Variants in ALAD observed in about 807,000 individuals in gnomAD.
ALAD encodes the protein delta-aminolevulinic acid dehydratase.
ALAD carries 20 observed loss-of-function variants against 44.4 expected under a neutral mutation model. That is an observed-to-expected ratio of 0.45 (90% CI 0.32 to 0.65). ALAD has a LOEUF of 0.65. Ranked by LOEUF, ALAD falls within the 30% of genes least tolerant of loss-of-function variation. The probability of loss-of-function intolerance (pLI) is 0.05; values close to 1 mark genes in which losing one functional copy is unlikely to be tolerated. For missense variants in ALAD, 323 were observed against 445.7 expected (o/e 0.72, Z 2.48); for synonymous variants, 156 against 167.9 (o/e 0.93, Z 0.55).
intron 1 of ALAD, among the ~76,000 whole-genome samples, chr9:113,397,628 T>C (rs1827766202): frequency 7.0e-6 from 1 of 142,826 alleles, no homozygotes; most frequent in Admixed American, 6.9e-5. Flanking sequence ...TTCTTTTTTT[T>C]TTTTTTTTTT....
At chr9:113,391,299 C>G (rs1328644506) in intron 4 of ALAD, among the ~76,000 whole-genome samples, 1 of 152,102 alleles carries the variant, frequency 6.6e-6, no homozygotes, top group Non-Finnish European at 1.5e-5. Context: ...ACTTTCTGGG[C>G]TCAAGCAATC....
chr9:113,398,843 T>C (rs62577764), intron 1 of ALAD, among the ~76,000 whole-genome samples: 2 of 152,120 alleles, frequency 1.3e-5, no homozygotes, highest in East Asian at 3.9e-4. Flanking sequence ...ATTCTGTGAG[T>C]GGGAAAACAC....
rs1422449758 is a variant in ALAD, at chr9:113,389,682, C to T, written c.631G>A (p.Ala211Thr). ...CCAAAAGCTGGGCTTGACTTAGCTGCATCCCTGCAAAGCAGAGTCATCAGG... is the reference window on the plus strand; with the variant it reads ...CCAAAAGCTGGGCTTGACTTAGCTGTATCCCTGCAAAGCAGAGTCATCAGG... ...ASCFYGPFRD[A>T]AKSSPAFGDR... The change falls in exon 9 of 12, where the codon GCA (alanine) becomes ACA (threonine). Residue 211 changes from alanine (A) to threonine (T), a missense_variant. By Grantham distance (58) the Ala-to-Thr change is moderately conservative. Coordinates refer to ENST00000409155, the MANE Select transcript of ALAD (RefSeq NM_000031.6). 5.0e-6 allele frequency: 8 copies of T among 1,614,056 alleles called. No homozygotes were observed. Among genetic ancestry groups the T allele is most frequent in the Non-Finnish European group, 6.8e-6 (8 of 1,180,038 alleles).
intron 1 of ALAD, among the ~76,000 whole-genome samples, chr9:113,394,465 G>C (rs149863069): frequency 0.037 from 5,552 of 151,776 alleles, 119 homozygotes; most frequent in Non-Finnish European, 0.044. Flanking sequence ...TTGAGCCCAG[G>C]AGTTCAAGGT....
intron 1 of ALAD, among the ~76,000 whole-genome samples, chr9:113,399,714 C>T (rs932802176): frequency 1.3e-5 from 2 of 152,170 alleles, no homozygotes; most frequent in Non-Finnish European, 2.9e-5. Flanking sequence ...CTATGAGCTT[C>T]ATGTGCCACC....
chr9:113,391,972 G>A (rs1373082674), intron 3 of ALAD, 147 bp downstream of exon 3: 2 of 848,254 alleles, frequency 2.4e-6, no homozygotes, highest in East Asian at 2.7e-5. Flanking sequence ...GAACAGCTCT[G>A]GCCCCGGGGA....
Position 113,389,540 on chromosome 9 carries a change from A to G in ALAD, c.715-16T>C, listed in dbSNP as rs370886271. The stretch of plus-strand genomic sequence containing the variant: ...CATCCCGGTCCTAAGGGATGAGGGT[A>G]TAATGTGGGTGGTGCCTAGGAGGGG... On this transcript the variant is annotated splice_polypyrimidine_tract_variant and intron_variant, in intron 9 of 11. Transcript: ENST00000409155. 38 of 1,614,014 alleles carry G rather than the reference A, an allele frequency of 2.4e-5. No individual in the cohort carries two copies. The highest frequency in any genetic ancestry group is 3.1e-5 in the Non-Finnish European group (36 of 1,180,020).
chr9:113,393,402 C>CCCAAA, intron 2 of ALAD, 45 bp downstream of exon 2: 3 of 1,498,892 alleles, frequency 2.0e-6, no homozygotes, highest in Non-Finnish European at 2.8e-6. Flanking sequence ...CCAACCCCAA[C>CCCAAA]CCCAACCAGC....
chr9:113,388,618 T>A (rs940470002), intron 11 of ALAD, among the ~76,000 whole-genome samples: 1 of 152,228 alleles, frequency 6.6e-6, no homozygotes, highest in Non-Finnish European at 1.5e-5. Flanking sequence ...CTTCCCATGC[T>A]GGTGTGCAAT....
chr9:113,394,027 C>T (rs1357682448), intron 1 of ALAD, among the ~76,000 whole-genome samples: 1 of 151,314 alleles, frequency 6.6e-6, no homozygotes. Flanking sequence ...CAGCCTTGAC[C>T]TCCCGGGCTC....
Position 113,390,930 on chromosome 9 carries a change from C to T in ALAD, c.265G>A (p.Glu89Lys), listed in dbSNP as rs746344460. ...FGVPSRVPKD[E>K]RGSAADSEES... is the part of the protein sequence containing the mutation. ...TCGGAGTCAGCTGCGGAACCCCGCT[C>T]GTCCTAGGGGCAGGGGAGGGACAAA... Residue 89 changes from glutamate (E) to lysine (K), a missense_variant, in exon 5 of 12, where the codon GAG (glutamate) becomes AAG (lysine). Coordinates refer to ENST00000409155, the MANE Select transcript of ALAD (RefSeq NM_000031.6). 4 of 1,614,030 alleles carry T rather than the reference C, an allele frequency of 2.5e-6. No homozygotes were observed. Among genetic ancestry groups the T allele is most frequent in the Non-Finnish European group, 3.4e-6 (4 of 1,180,012 alleles).
At chr9:113,394,761 A>T (rs1034631850) in intron 1 of ALAD, among the ~76,000 whole-genome samples, 3 of 151,894 alleles carry the variant, frequency 2.0e-5, no homozygotes, top group African/African-American at 4.8e-5. Flanking sequence ...TCTAGAGAAA[A>T]GTACTGTTGG....
intron 1 of ALAD, among the ~76,000 whole-genome samples, chr9:113,400,580 T>G (rs1827827406): frequency 1.3e-5 from 2 of 152,152 alleles, no homozygotes; most frequent in African/African-American, 4.8e-5. Context: ...CCCAGCACTT[T>G]GGGAGGCCGA....
At chr9:113,392,394 A>T in intron 2 of ALAD, 1 of 1,320,140 alleles carries the variant, frequency 7.6e-7, no homozygotes, top group Non-Finnish European at 1.0e-6. Context: ...CTGTACTAAA[A>T]GAACGGTAAT....
intron 11 of ALAD, 147 bp from the exon 12 acceptor site, chr9:113,388,508 T>G: frequency 1.3e-6 from 1 of 742,746 alleles, no homozygotes; most frequent in Non-Finnish European, 2.4e-6. Flanking sequence ...AGCCCAGCTT[T>G]GGGAAACTCT....
At chr9:113,392,853 C>T (rs2856988) in intron 2 of ALAD, among the ~76,000 whole-genome samples, 113,727 of 143,704 alleles carry the variant, frequency 0.79, 45,337 homozygotes, top group African/African-American at 0.87. Flanking sequence ...AGTCTGGCTC[C>T]GTCGCCCAGG....
intron 7 of ALAD, among the ~76,000 whole-genome samples, 182 bp downstream of exon 7, chr9:113,390,223 T>C (rs1395402235): frequency 1.3e-5 from 2 of 152,164 alleles, no homozygotes; most frequent in African/African-American, 4.8e-5. Flanking sequence ...GGTTTCACCA[T>C]GTTGGCCAGG....
At position 113,386,578 on chromosome 9, in the gene ALAD, A is replaced by G. The variant is rs912036386; in HGVS notation, c.*1722T>C. On this transcript the variant is annotated 3_prime_UTR_variant, in exon 12 of 12. Coordinates refer to ENST00000409155, the MANE Select transcript of ALAD (RefSeq NM_000031.6). ...CCATCACATAAATGGAGGGGTGTCT[A>G]TAAAACATTGTTAGACCTATAATTT... 2.0e-5 allele frequency: 3 copies of G among 152,202 alleles called. No individual in the cohort carries two copies. Among genetic ancestry groups the G allele is most frequent in the Non-Finnish European group, 4.4e-5 (3 of 68,034 alleles). 9.4% of individuals were successfully genotyped at this position (152,202 alleles called of 1,614,324 possible).
chr9:113,399,325 T>C (rs932833293), intron 1 of ALAD, among the ~76,000 whole-genome samples: 11 of 152,286 alleles, frequency 7.2e-5, no homozygotes, highest in African/African-American at 2.4e-4. Flanking sequence ...TTATTACTAT[T>C]AGGAGTGGGG....
Sources: gnomAD v4.1 joint callset for allele counts (sites outside exome capture counted in the v4.1 genomes callset) on GRCh38, gnomAD v4.1.1 for gene constraint, MANE v1.5 for transcripts, NCBI Gene and HGNC (gene_info 2026-07-23, HGNC 2026-07-21) for gene names.